Variants in ZNF700 observed in about 807,000 individuals in gnomAD.
The protein encoded by ZNF700 is zinc finger protein 700.
Under a neutral mutation model 65.3 loss-of-function variants are expected in ZNF700, and 38 were observed. The observed-to-expected ratio is 0.58, with a 90% CI of 0.45 to 0.76. The LOEUF is 0.76. Among genes scored for constraint, ZNF700 ranks in the 30% least tolerant of loss-of-function variants. The pLI is 0.00. For synonymous variants in ZNF700, 285 were observed against 290.4 expected, an observed-to-expected ratio of 0.98 and a Z score of 0.19; for missense variants, 857 against 888.4, an observed-to-expected ratio of 0.96 and a Z score of 0.45.
intron 1 of ZNF700, among the ~76,000 whole-genome samples, chr19:11,944,123 T>C (rs977461210): frequency 1.4e-4 from 21 of 152,242 alleles, no homozygotes; most frequent in African/African-American, 5.1e-4. Flanking sequence ...CTGGGGAGAA[T>C]AAGCTAATGG....
In ZNF700 at chr19:11,950,518, G is replaced by A; in HGVS notation, c.*265G>A. 1 of 632,638 alleles carries A rather than the reference G, an allele frequency of 1.6e-6. No individual in the cohort carries two copies. 39.2% of individuals were successfully genotyped at this position (632,638 alleles called of 1,614,324 possible). A position where few individuals can be genotyped will look rare whatever the true frequency, so the allele number is the denominator to read the frequency against. ...TGATATCATGAAAGGACTTACACTGGAGTGAAACCCTATGAATGTAAGCAA... is the reference window on the plus strand; with the variant it reads ...TGATATCATGAAAGGACTTACACTGAAGTGAAACCCTATGAATGTAAGCAA... On this transcript the variant is annotated 3_prime_UTR_variant, in exon 4 of 4. Coordinates refer to ENST00000254321, the MANE Select transcript of ZNF700 (RefSeq NM_144566.3).
Position 11,950,249 on chromosome 19 carries a change from G to C in ZNF700, c.2225G>C (p.Ser742Thr). ...YECKDCGKAFS is the reference protein window; with the variant it reads ...YECKDCGKAFT Reference sequence around the variant, plus strand: ...TGTAAGGATTGTGGGAAAGCATTCAGCTAGCCTGGTTCCTTTTATGGACAT... The same window carrying C: ...TGTAAGGATTGTGGGAAAGCATTCACCTAGCCTGGTTCCTTTTATGGACAT... Residue 742 changes from serine (S) to threonine (T), a missense_variant, in exon 4 of 4, where the codon AGC (serine) becomes ACC (threonine). By Grantham distance (58) the Ser-to-Thr change is moderately conservative. Transcript: ENST00000254321. The C allele has an allele frequency of 1.2e-6, 2 of 1,607,192 alleles. No individual in the cohort carries two copies. Among genetic ancestry groups the C allele is most frequent in the African/African-American group, 1.3e-5 (1 of 74,444 alleles).
At chr19:11,947,092 A>G in intron 1 of ZNF700, 89 bp from the exon 2 acceptor site, 2 of 1,535,284 alleles carry the variant, frequency 1.3e-6, no homozygotes, top group Admixed American at 2.3e-5. Context: ...TGGAGTCCAC[A>G]GCATCCTGAG....
intron 1 of ZNF700, among the ~76,000 whole-genome samples, chr19:11,943,586 T>C (rs928742905): frequency 6.6e-6 from 1 of 152,144 alleles, no homozygotes; most frequent in Admixed American, 6.5e-5. Context: ...GAGGCTCAGA[T>C]GGGTTATGGT....
At chr19:11,939,832 C>G (rs1406660581) in intron 1 of ZNF700, 1 of 152,042 alleles carries the variant, frequency 6.6e-6, no homozygotes, top group Non-Finnish European at 1.5e-5. Flanking sequence ...GAATTTTACA[C>G]GTACACTTGA....
At chr19:11,947,474 T>G in intron 2 of ZNF700, 40 bp from the exon 3 acceptor site, 1 of 1,606,962 alleles carries the variant, frequency 6.2e-7, no homozygotes, top group Non-Finnish European at 8.5e-7. Context: ...TTCACAATTT[T>G]ATACTGCTTC....
chr19:11,930,282 A>C (rs1972694732), intron 1 of ZNF700, among the ~76,000 whole-genome samples: 1 of 148,528 alleles, frequency 6.7e-6, no homozygotes, highest in South Asian at 2.1e-4. Context: ...GGATTGTCTC[A>C]ACTGTGAAGA....
intron 1 of ZNF700, among the ~76,000 whole-genome samples, chr19:11,943,981 G>C (rs1972922497): frequency 6.6e-6 from 1 of 151,982 alleles, no homozygotes; most frequent in Non-Finnish European, 1.5e-5. Context: ...ACATGACTGT[G>C]GTGGATCCAG....
At position 11,949,324 on chromosome 19, in the gene ZNF700, C is replaced by T. The variant is rs776935287; in HGVS notation, c.1300C>T (p.Arg434Ter). Residue 434 changes from arginine to a stop codon, truncating the protein, a stop_gained, in exon 4 of 4, where the codon CGA becomes TGA. Coordinates refer to ENST00000254321, the MANE Select transcript of ZNF700 (RefSeq NM_144566.3). LOFTEE classifies it high-confidence loss of function. ...GKAFRSASQL[R>*]VHGGTHTGEK... Reference sequence around the variant, plus strand: ...AGCCTTCAGATCTGCCTCACAGCTTCGAGTGCACGGTGGGACTCACACTGG... The same window carrying T: ...AGCCTTCAGATCTGCCTCACAGCTTTGAGTGCACGGTGGGACTCACACTGG... 58 of 1,613,640 alleles carry T rather than the reference C, an allele frequency of 3.6e-5. No individual in the cohort carries two copies. Among genetic ancestry groups the T allele is most frequent in the South Asian group, 3.5e-4 (32 of 91,066 alleles).
At chr19:11,928,271 T>TA (rs1972662232) in intron 1 of ZNF700, among the ~76,000 whole-genome samples, 1 of 152,174 alleles carries the variant, frequency 6.6e-6, no homozygotes, top group Non-Finnish European at 1.5e-5. Flanking sequence ...CAGATACAGA[T>TA]ATCAGCCACT....
intron 1 of ZNF700, among the ~76,000 whole-genome samples, chr19:11,935,493 A>T (rs1385847306): frequency 6.6e-6 from 1 of 151,904 alleles, no homozygotes; most frequent in African/African-American, 2.4e-5. Context: ...CAGCCTCCCA[A>T]AGTGCCGGGA....
Position 11,949,290 on chromosome 19 carries a change from G to T in ZNF700, c.1266G>T (p.Gln422His), listed in dbSNP as rs765402129. The T allele has an allele frequency of 6.2e-7, 1 of 1,608,724 alleles. No homozygotes were observed. Among genetic ancestry groups the T allele is most frequent in the South Asian group, 1.1e-5 (1 of 90,390 alleles). Residue 422 changes from glutamine to histidine, a missense_variant, in exon 4 of 4, where the codon CAG becomes CAT. Physicochemically the swap from Gln to His is conservative, Grantham distance 24. Transcript: ENST00000254321. The stretch of plus-strand genomic sequence containing the variant: ...GAGAGAAACCCTATGAGTGTAAGCA[G>T]TGTGGGAAAGCCTTCAGATCTGCCT... ...HTGEKPYECK[Q>H]CGKAFRSASQ... is the part of the protein sequence containing the mutation.
rs570889462 is a variant in ZNF700, at chr19:11,935,175, CAA to C, written c.63+9920_63+9921del. ...TGGGCGACAGAGCGAGACTCCGTCT[CAA>C]AAAAAAAAAAAAAAAAATTACTGTC... On this transcript the variant is annotated intron_variant, in intron 1 of 3. Transcript: ENST00000254321. 5.2e-4 allele frequency among the ~76,000 whole-genome samples: 23 copies of C among 44,376 alleles called. No individual in the cohort carries two copies. The South Asian group carries it at 0.014, about 27-fold the overall frequency. The allele number at this position is 44,376 out of a possible 152,430, so 29.1% of individuals were successfully genotyped here. A position where few individuals can be genotyped will look rare whatever the true frequency, so the allele number is the denominator to read the frequency against.
At position 11,950,151 on chromosome 19, in the gene ZNF700, C is replaced by G; in HGVS notation, c.2127C>G (p.Cys709Trp). 6.2e-7 allele frequency: 1 copy of G among 1,613,732 alleles called. No homozygotes were observed. The highest frequency in any genetic ancestry group is 8.5e-7 in the Non-Finnish European group (1 of 1,179,952). ...IGEKHYECKE[C>W]GKAFNYFSSL... ...AGAAACACTATGAATGTAAGGAATG[C>G]GGAAAAGCATTCAATTATTTTTCTT... The change falls in exon 4 of 4, where the codon TGC becomes TGG. Residue 709 changes from cysteine (C) to tryptophan (W), a missense_variant. Cys to Trp is a radical substitution (Grantham distance 215). Coordinates refer to ENST00000254321, the MANE Select transcript of ZNF700 (RefSeq NM_144566.3).
intron 1 of ZNF700, among the ~76,000 whole-genome samples, chr19:11,941,645 G>A (rs8111042): frequency 0.021 from 3,265 of 152,180 alleles, 111 homozygotes; most frequent in African/African-American, 0.072. Flanking sequence ...CGCAAGCGCC[G>A]CGCGCAGCCC....
chr19:11,932,152 A>T lies in ZNF700; in HGVS notation c.63+6879A>T, dbSNP rs187715666. On this transcript the variant is annotated intron_variant, in intron 1 of 3. Coordinates refer to ENST00000254321, the MANE Select transcript of ZNF700 (RefSeq NM_144566.3). ...AAAAAAAAAAGAAAGAAAATAAATT[A>T]GTCCAGCCTGGGCAACATGGCAAAC... Among the ~76,000 whole-genome samples the T allele has an allele frequency of 4.1e-4, 61 of 147,520 alleles. 3 individuals are homozygous for T. Among genetic ancestry groups the T allele is most frequent in the Non-Finnish European group, 6.6e-4 (45 of 67,800 alleles).
chr19:11,940,098 AT>A (rs1972857395), intron 1 of ZNF700: 1 of 151,974 alleles, frequency 6.6e-6, no homozygotes. Flanking sequence ...CACCTGGCTA[AT>A]TTTGTATTTT....
rs1363239230 is a variant in ZNF700 at position 11,948,591 on chromosome 19, T to A, written c.567T>A (p.Thr189=). Reference sequence around the variant, plus strand: ...TTAGAACACAAGAAAGGGATCACACTGGAGAGAAACCCTATGCTTGTAAAG... The same window carrying A: ...TTAGAACACAAGAAAGGGATCACACAGGAGAGAAACCCTATGCTTGTAAAG... ...PSIRTQERDH[T]GEKPYACKVC... Residue 189 remains threonine (T), a synonymous_variant, in exon 4 of 4, where the codon ACT becomes ACA. Transcript: ENST00000254321. 3.1e-6 allele frequency: 5 copies of A among 1,607,696 alleles called. No homozygotes were observed. The highest frequency in any genetic ancestry group is 4.2e-6 in the Non-Finnish European group (5 of 1,178,718).
At chr19:11,944,885 GT>G (rs1972936907) in intron 1 of ZNF700, among the ~76,000 whole-genome samples, 1 of 152,236 alleles carries the variant, frequency 6.6e-6, no homozygotes, top group African/African-American at 2.4e-5. Flanking sequence ...TAGATGGGTG[GT>G]TTTATGCACA....
Sources: gnomAD v4.1 joint callset for allele counts (sites outside exome capture counted in the v4.1 genomes callset) on GRCh38, gnomAD v4.1.1 for gene constraint, MANE v1.5 for transcripts, NCBI Gene and HGNC (gene_info 2026-07-23, HGNC 2026-07-21) for gene names.